The following LHFPL3 variants were observed in gnomAD, a reference collection of about 807,000 sequenced individuals.
The protein encoded by LHFPL3 is LHFPL tetraspan subfamily member 3 protein.
Under a neutral mutation model 19.3 loss-of-function variants are expected in LHFPL3, and 5 were observed. That is an observed-to-expected ratio of 0.26 (90% CI 0.14 to 0.54). LHFPL3 has a LOEUF of 0.54. Ranked by LOEUF, LHFPL3 falls within the 20% of genes least tolerant of loss-of-function variation. The probability of loss-of-function intolerance (pLI) is 0.94; values close to 1 mark genes in which losing one functional copy is unlikely to be tolerated. For synonymous variants in LHFPL3, 133 were observed against 126.2 expected (o/e 1.05, Z -0.36); for missense variants, 249 against 307.4 (o/e 0.81, Z 1.42).
At chr7:104,877,632 A>C (rs760128631) in intron 2 of LHFPL3, among the ~76,000 whole-genome samples, 9 of 152,202 alleles carry the variant, frequency 5.9e-5, no homozygotes, top group Non-Finnish European at 1.3e-4. Context: ...GTGTTGATGA[A>C]GATATGGAGA....
At chr7:104,670,281 C>T (rs1316169857) in intron 1 of LHFPL3, among the ~76,000 whole-genome samples, 2 of 152,002 alleles carry the variant, frequency 1.3e-5, no homozygotes, top group African/African-American at 4.8e-5. Flanking sequence ...CATTTTGCAC[C>T]AGGTAATAGG....
At chr7:104,565,580 A>G (rs1790103300) in intron 1 of LHFPL3, among the ~76,000 whole-genome samples, 1 of 152,242 alleles carries the variant, frequency 6.6e-6, no homozygotes, top group Non-Finnish European at 1.5e-5. Flanking sequence ...CTAGGTAAAT[A>G]CTAATTTAAA....
chr7:104,857,160 T>A (rs1424399803), intron 2 of LHFPL3, among the ~76,000 whole-genome samples: 1 of 152,206 alleles, frequency 6.6e-6, no homozygotes, highest in Non-Finnish European at 1.5e-5. Flanking sequence ...GTGAGCCTAT[T>A]TGACTAGTAG....
intron 1 of LHFPL3, among the ~76,000 whole-genome samples, chr7:104,406,728 C>T (rs1791422984): frequency 6.6e-6 from 1 of 152,186 alleles, no homozygotes; most frequent in South Asian, 2.1e-4. Context: ...TGGTGATTGA[C>T]AGGGAAATGC....
At chr7:104,539,804 CTTTA>C (rs1794452319) in intron 1 of LHFPL3, among the ~76,000 whole-genome samples, 1 of 152,060 alleles carries the variant, frequency 6.6e-6, no homozygotes, top group Admixed American at 6.6e-5. Context: ...TAAAAGTTAC[CTTTA>C]TTTAACAAAG....
At chr7:104,758,056 A>G (rs1562984589) in intron 2 of LHFPL3, among the ~76,000 whole-genome samples, 1 of 152,218 alleles carries the variant, frequency 6.6e-6, no homozygotes. Flanking sequence ...CTTTGCAGCA[A>G]CATGGATCCA....
intron 1 of LHFPL3, among the ~76,000 whole-genome samples, chr7:104,552,558 A>G (rs948551835): frequency 4.6e-5 from 7 of 152,220 alleles, no homozygotes; most frequent in Non-Finnish European, 7.3e-5. Context: ...TACTTCCCTC[A>G]GAATAATCAT....
At chr7:104,670,920 T>G (rs1792468664) in intron 1 of LHFPL3, among the ~76,000 whole-genome samples, 1 of 151,982 alleles carries the variant, frequency 6.6e-6, no homozygotes. Context: ...GAGAGAACTA[T>G]TTAACAAGGT....
chr7:104,866,328 C>T (rs1791722118), intron 2 of LHFPL3, among the ~76,000 whole-genome samples: 4 of 152,074 alleles, frequency 2.6e-5, no homozygotes, highest in Admixed American at 2.6e-4. Context: ...ATTCAAGAAA[C>T]CCATCTCATG....
intron 1 of LHFPL3, among the ~76,000 whole-genome samples, chr7:104,539,957 G>A (rs1057243444): frequency 6.6e-6 from 1 of 152,090 alleles, no homozygotes; most frequent in Non-Finnish European, 1.5e-5. Flanking sequence ...CCTGATGCAC[G>A]AAATGCAGAA....
At chr7:104,527,499 T>C (rs1191474359) in intron 1 of LHFPL3, among the ~76,000 whole-genome samples, 1 of 152,132 alleles carries the variant, frequency 6.6e-6, no homozygotes, top group Non-Finnish European at 1.5e-5. Context: ...GGAACAGAGT[T>C]TCTGCAAGAA....
chr7:104,780,973 C>T (rs1053655127), intron 2 of LHFPL3, among the ~76,000 whole-genome samples: 4 of 152,170 alleles, frequency 2.6e-5, no homozygotes, highest in Admixed American at 6.5e-5. Context: ...CACTTCAACC[C>T]GTTCTTTGCC....
At chr7:104,494,484 C>T (rs989716999) in intron 1 of LHFPL3, among the ~76,000 whole-genome samples, 1 of 152,190 alleles carries the variant, frequency 6.6e-6, no homozygotes, top group African/African-American at 2.4e-5. Context: ...CTCATTTTCA[C>T]ATGTTTACAT....
chr7:104,509,007 G>A (rs1182810331), intron 1 of LHFPL3, among the ~76,000 whole-genome samples: 1 of 151,936 alleles, frequency 6.6e-6, no homozygotes, highest in Non-Finnish European at 1.5e-5. Flanking sequence ...TAGACAAAAT[G>A]AACCAATTTC....
chr7:104,710,421 G>A (rs976437233), intron 1 of LHFPL3, among the ~76,000 whole-genome samples: 9 of 152,110 alleles, frequency 5.9e-5, no homozygotes, highest in Non-Finnish European at 1.2e-4. Flanking sequence ...TTCAGATCAT[G>A]TATATCAGTC....
intron 1 of LHFPL3, among the ~76,000 whole-genome samples, chr7:104,629,398 C>A (rs558419947): frequency 6.6e-6 from 1 of 152,160 alleles, no homozygotes; most frequent in South Asian, 2.1e-4. Flanking sequence ...TTTGTGGTCC[C>A]ACAGTTCAAA....
chr7:104,521,926 T>G (rs1794071743), intron 1 of LHFPL3, among the ~76,000 whole-genome samples: 1 of 152,090 alleles, frequency 6.6e-6, no homozygotes, highest in South Asian at 2.1e-4. Flanking sequence ...GGAACACTCT[T>G]ACACTGTTGG....
In LHFPL3 at chr7:104,390,266, G is replaced by A. The variant is rs755952761; in HGVS notation, c.445+61042G>A. Among the ~76,000 whole-genome samples, 70 of 151,876 alleles carry A rather than the reference G, an allele frequency of 4.6e-4. 1 individual carries two copies. Among genetic ancestry groups the A allele is most frequent in the Admixed American group, 3.0e-3 (46 of 15,236 alleles). On this transcript the variant is annotated intron_variant, in intron 1 of 2. Transcript: ENST00000424859. ...GGTTTCTTACATATGTATACATGTGGCATGTTGGTGTGCTGCACCCTTTAA... is the reference window on the plus strand; with the variant it reads ...GGTTTCTTACATATGTATACATGTGACATGTTGGTGTGCTGCACCCTTTAA...
At chr7:104,355,665 T>C (rs1334200456) in intron 1 of LHFPL3, among the ~76,000 whole-genome samples, 1 of 152,186 alleles carries the variant, frequency 6.6e-6, no homozygotes, top group Admixed American at 6.5e-5. Context: ...AAAATAAAAT[T>C]CTTTTTAACA....
Sources: allele counts gnomAD v4.1 joint callset (sites outside exome capture counted in the v4.1 genomes callset), GRCh38; gene constraint gnomAD v4.1.1; transcripts MANE v1.5; gene names NCBI Gene and HGNC (gene_info 2026-07-23, HGNC 2026-07-21).